The following GRK5 variants were observed in gnomAD, a reference collection of about 807,000 sequenced individuals.
GRK5 encodes the protein G protein-coupled receptor kinase 5.
GRK5 carries 40 observed loss-of-function variants against 78.4 expected under a neutral mutation model. That is an observed-to-expected ratio of 0.51 (90% CI 0.40 to 0.66). The LOEUF is 0.66. GRK5 is among the 30% of genes least tolerant of loss of function. The pLI, the probability that GRK5 is intolerant of heterozygous loss-of-function variation, is 0.00. For missense variants in GRK5, 598 were observed against 759.9 expected, an observed-to-expected ratio of 0.79 and a Z score of 2.50; for synonymous variants, 289 against 296.8, an observed-to-expected ratio of 0.97 and a Z score of 0.27.
chr10:119,339,218 G>T (rs1266988606), intron 2 of GRK5, among the ~76,000 whole-genome samples: 1 of 152,144 alleles, frequency 6.6e-6, no homozygotes, highest in African/African-American at 2.4e-5. Context: ...CTATTTTAAG[G>T]CCCCTCACTG....
intron 1 of GRK5, among the ~76,000 whole-genome samples, chr10:119,218,238 T>C (rs1012106798): frequency 6.6e-6 from 1 of 152,022 alleles, no homozygotes; most frequent in Non-Finnish European, 1.5e-5. Flanking sequence ...CGCTCCCTGA[T>C]GATGAGGGTA....
rs1422801492 is a variant in GRK5, at chr10:119,455,328, G to A, written c.*261G>A. ...TTGCAATAGAAATCCAATTGGATACGACAACTTGCACGTATTTTAATAGCG... is the reference window on the plus strand; with the variant it reads ...TTGCAATAGAAATCCAATTGGATACAACAACTTGCACGTATTTTAATAGCG... On this transcript the variant is annotated 3_prime_UTR_variant, in exon 16 of 16. Coordinates refer to ENST00000392870, the MANE Select transcript of GRK5 (RefSeq NM_005308.3). The A allele has an allele frequency of 1.4e-5, 9 of 664,016 alleles. No homozygotes were observed. The highest frequency in any genetic ancestry group is 4.3e-5 in the Admixed American group (2 of 46,576). The allele number at this position is 664,016 out of a possible 1,614,324, so 41.1% of individuals were successfully genotyped here. A position where few individuals can be genotyped will look rare whatever the true frequency, so the allele number is the denominator to read the frequency against.
chr10:119,360,707 G>A (rs1851348964), intron 2 of GRK5, among the ~76,000 whole-genome samples: 1 of 152,192 alleles, frequency 6.6e-6, no homozygotes, highest in African/African-American at 2.4e-5. Context: ...AAGTGTTTGA[G>A]GCTAAGTTAG....
chr10:119,370,135 G>C (rs1218161611), intron 2 of GRK5, among the ~76,000 whole-genome samples: 1 of 152,080 alleles, frequency 6.6e-6, no homozygotes, highest in Non-Finnish European at 1.5e-5. Flanking sequence ...CCAGAGACCT[G>C]GACCCTCATC....
In GRK5 at chr10:119,256,568, C is replaced by T. The variant is rs143252361; in HGVS notation, c.52+48599C>T. ...GGTACATGGAGTGGGAAGGGGAGGC[C>T]CTGGGCCACAGCACCCCACCCCTCA... is the stretch of plus-strand genomic sequence containing the variant. On this transcript the variant is annotated intron_variant, in intron 1 of 15. Coordinates refer to ENST00000392870, the MANE Select transcript of GRK5 (RefSeq NM_005308.3). 5.3e-5 allele frequency among the ~76,000 whole-genome samples: 8 copies of T among 152,126 alleles called. No individual in the cohort carries two copies. In the East Asian group the frequency reaches 1.4e-3, roughly 26 times the overall value.
chr10:119,369,386 G>C (rs949901689), intron 2 of GRK5, among the ~76,000 whole-genome samples: 1 of 152,136 alleles, frequency 6.6e-6, no homozygotes. Flanking sequence ...CAGGTGCCCC[G>C]TCCCGGCTCA....
intron 8 of GRK5, among the ~76,000 whole-genome samples, chr10:119,432,993 C>T (rs1018638337): frequency 6.6e-6 from 1 of 152,148 alleles, no homozygotes; most frequent in Admixed American, 6.5e-5. Context: ...ATCACTTGAA[C>T]CTGGGAGGCA....
chr10:119,386,463 A>G (rs188783338), intron 3 of GRK5, among the ~76,000 whole-genome samples: 10 of 152,260 alleles, frequency 6.6e-5, no homozygotes, highest in African/African-American at 2.2e-4. Flanking sequence ...AGGGGGGAAA[A>G]AAATCCAATG....
At chr10:119,364,950 T>A (rs571128073) in intron 2 of GRK5, among the ~76,000 whole-genome samples, 11 of 152,350 alleles carry the variant, frequency 7.2e-5, no homozygotes, top group African/African-American at 2.6e-4. Context: ...CCTAATTATT[T>A]TTTTTTCTTT....
intron 15 of GRK5, among the ~76,000 whole-genome samples, chr10:119,454,352 A>G (rs1223102828): frequency 6.6e-6 from 1 of 152,164 alleles, no homozygotes; most frequent in African/African-American, 2.4e-5. Context: ...TGCCTGAAAC[A>G]TCAGGATAGA....
chr10:119,278,885 C>CT (rs1418806658), intron 1 of GRK5, among the ~76,000 whole-genome samples: 1 of 152,058 alleles, frequency 6.6e-6, no homozygotes, highest in African/African-American at 2.4e-5. Context: ...CTGACCTCTT[C>CT]TTTTTTCTTC....
intron 4 of GRK5, among the ~76,000 whole-genome samples, chr10:119,408,210 C>T (rs1471464322): frequency 6.7e-6 from 1 of 148,472 alleles, no homozygotes; most frequent in Non-Finnish European, 1.5e-5. Flanking sequence ...TATGGTGGCG[C>T]ATGCCTGTAG....
intron 1 of GRK5, among the ~76,000 whole-genome samples, chr10:119,296,455 C>T (rs1463948670): frequency 6.6e-6 from 1 of 152,196 alleles, no homozygotes; most frequent in African/African-American, 2.4e-5. Flanking sequence ...GGCTGGTGAA[C>T]AGGCACTGTT....
At chr10:119,283,152 C>A (rs948373572) in intron 1 of GRK5, among the ~76,000 whole-genome samples, 5 of 151,840 alleles carry the variant, frequency 3.3e-5, no homozygotes, top group African/African-American at 1.2e-4. Context: ...AACTGGTAAC[C>A]TTTGTCAGGA....
At chr10:119,294,583 CAGG>C (rs1478602766) in intron 1 of GRK5, among the ~76,000 whole-genome samples, 1 of 152,136 alleles carries the variant, frequency 6.6e-6, no homozygotes, top group East Asian at 1.9e-4. Context: ...AGCCAGTGGT[CAGG>C]AGATTTGGGT....
intron 2 of GRK5, among the ~76,000 whole-genome samples, chr10:119,371,282 G>C (rs1851542424): frequency 6.6e-6 from 1 of 152,188 alleles, no homozygotes; most frequent in Non-Finnish European, 1.5e-5. Context: ...GCTGTGCTCG[G>C]GCCCCGTGGC....
chr10:119,331,131 C>A (rs1307342233), intron 2 of GRK5, among the ~76,000 whole-genome samples: 1 of 152,188 alleles, frequency 6.6e-6, no homozygotes, highest in East Asian at 1.9e-4. Flanking sequence ...GACCACCCCC[C>A]CGCCGCGACC....
At chr10:119,436,558 C>T in intron 8 of GRK5, 93 bp from the exon 9 acceptor site, 2 of 1,288,736 alleles carry the variant, frequency 1.6e-6, no homozygotes, top group South Asian at 2.6e-5. Flanking sequence ...TCCTCTGTTC[C>T]CTCACACCCC....
intron 1 of GRK5, among the ~76,000 whole-genome samples, chr10:119,304,170 C>A (rs988227793): frequency 2.0e-5 from 3 of 152,018 alleles, no homozygotes; most frequent in African/African-American, 4.8e-5. Flanking sequence ...CTTTGAGCAG[C>A]CCTGGCTGAA....
Sources: allele counts gnomAD v4.1 joint callset (sites outside exome capture counted in the v4.1 genomes callset), GRCh38; gene constraint gnomAD v4.1.1; transcripts MANE v1.5; gene names NCBI Gene and HGNC (gene_info 2026-07-23, HGNC 2026-07-21).